MARCHF11: variants seen among roughly 807,000 people sequenced by gnomAD.
MARCHF11 encodes E3 ubiquitin-protein ligase MARCHF11.
A neutral mutation model predicts 37.3 loss-of-function variants in MARCHF11; 29 were observed. The ratio of observed to expected loss-of-function variants is 0.78; its 90% CI spans 0.58 to 1.06. MARCHF11 has a LOEUF of 1.06. Ranked by LOEUF, MARCHF11 falls within the 50% of genes least tolerant of loss-of-function variation. The probability of loss-of-function intolerance (pLI) is 0.00; values close to 1 mark genes in which losing one functional copy is unlikely to be tolerated. For missense variants in MARCHF11, 482 were observed against 533.4 expected (o/e 0.90, Z 0.95); for synonymous variants, 233 against 228.0 (o/e 1.02, Z -0.20).
At chr5:16,081,478 G>A (rs545734481) in intron 3 of MARCHF11, among the ~76,000 whole-genome samples, 11 of 152,246 alleles carry the variant, frequency 7.2e-5, no homozygotes, top group African/African-American at 2.2e-4. Context: ...ATTTAAAAAC[G>A]TAAAAGCCAT....
intron 3 of MARCHF11, among the ~76,000 whole-genome samples, chr5:16,088,169 T>C (rs1736730548): frequency 6.6e-6 from 1 of 152,102 alleles, no homozygotes; most frequent in African/African-American, 2.4e-5. Flanking sequence ...CCCCATGAAA[T>C]CGGCCTGAAA....
At chr5:16,173,907 C>T (rs1738313281) in intron 2 of MARCHF11, among the ~76,000 whole-genome samples, 1 of 152,138 alleles carries the variant, frequency 6.6e-6, no homozygotes, top group Admixed American at 6.5e-5. Context: ...GAAGATGAGT[C>T]AATGGAGATG....
intron 2 of MARCHF11, among the ~76,000 whole-genome samples, chr5:16,119,749 T>TAC (rs1176077237): frequency 6.6e-6 from 1 of 152,144 alleles, no homozygotes; most frequent in Non-Finnish European, 1.5e-5. Context: ...TTGCTGACAA[T>TAC]ACCATTTAAG....
intron 2 of MARCHF11, among the ~76,000 whole-genome samples, chr5:16,154,179 G>A (rs1737931184): frequency 6.6e-6 from 1 of 151,922 alleles, no homozygotes; most frequent in Non-Finnish European, 1.5e-5. Context: ...GTATTTTTGG[G>A]AGAGTGATGC....
chr5:16,107,745 TGAG>T (rs1737068370), intron 2 of MARCHF11, among the ~76,000 whole-genome samples: 1 of 151,664 alleles, frequency 6.6e-6, no homozygotes, highest in South Asian at 2.1e-4. Context: ...CAGGAGCAGA[TGAG>T]GAGATGAGGA....
At chr5:16,141,933 G>A (rs954293010) in intron 2 of MARCHF11, among the ~76,000 whole-genome samples, 4 of 152,144 alleles carry the variant, frequency 2.6e-5, no homozygotes, top group Non-Finnish European at 5.9e-5. Context: ...CTGCATTCGT[G>A]GGGGGATCTC....
At chr5:16,160,876 G>A (rs968036575) in intron 2 of MARCHF11, among the ~76,000 whole-genome samples, 2 of 151,918 alleles carry the variant, frequency 1.3e-5, no homozygotes, top group Non-Finnish European at 1.5e-5. Context: ...TGCACTCTGG[G>A]TCAAATTCCA....
At chr5:16,170,265 A>G (rs2126609616) in intron 2 of MARCHF11, among the ~76,000 whole-genome samples, 2 of 152,290 alleles carry the variant, frequency 1.3e-5, no homozygotes, top group Admixed American at 1.3e-4. Context: ...TCAAACAGTG[A>G]CAATCTCAAG....
chr5:16,092,926 A>G (rs541927420), intron 2 of MARCHF11, among the ~76,000 whole-genome samples: 1 of 152,320 alleles, frequency 6.6e-6, no homozygotes, highest in South Asian at 2.1e-4. Context: ...TGGTGTCACC[A>G]AACAGATATG....
chr5:16,178,933 C>G, intron 1 of MARCHF11, 106 bp downstream of exon 1: 1 of 1,292,986 alleles, frequency 7.7e-7, no homozygotes, highest in Non-Finnish European at 9.9e-7. Flanking sequence ...ACGAGCCTCA[C>G]TGGAGGCAAA....
chr5:16,177,843 A>C lies in MARCHF11; in HGVS notation c.576T>G (p.Val192=). ...GCAGGCACAGCTGATGTGTATACCG[A>C]ACTGACCCATCACATCGGCAGGGGT... The part of the protein sequence containing the change: ...LLNPCRCDGS[V]RYTHQLCLLK... The change falls in exon 2 of 4, where the codon GTT becomes GTG. Residue 192 remains valine, a synonymous_variant. Transcript: ENST00000332432. 1 of 1,612,884 alleles carries C rather than the reference A, an allele frequency of 6.2e-7. No individual in the cohort carries two copies. The highest frequency in any genetic ancestry group is 8.5e-7 in the Non-Finnish European group (1 of 1,179,408).
At chr5:16,085,589 G>A (rs1736680803) in intron 3 of MARCHF11, among the ~76,000 whole-genome samples, 1 of 127,758 alleles carries the variant, frequency 7.8e-6, no homozygotes, top group South Asian at 3.1e-4. Context: ...GGTGGGTGGG[G>A]TCGGGGGGGG....
At chr5:16,073,728 G>A (rs1157655801) in intron 3 of MARCHF11, among the ~76,000 whole-genome samples, 1 of 151,906 alleles carries the variant, frequency 6.6e-6, no homozygotes. Context: ...ACAAAACATA[G>A]CTGTCATAAA....
intron 2 of MARCHF11, among the ~76,000 whole-genome samples, chr5:16,121,722 A>C (rs1189281741): frequency 6.6e-6 from 1 of 152,198 alleles, no homozygotes; most frequent in African/African-American, 2.4e-5. Flanking sequence ...GCAATGGCCC[A>C]GTGAACAGTC....
chr5:16,179,162 C>A lies in MARCHF11; in HGVS notation c.414G>T (p.Gln138His). 2 of 1,433,678 alleles carry A rather than the reference C, an allele frequency of 1.4e-6. No homozygotes were observed. Among genetic ancestry groups the A allele is most frequent in the Non-Finnish European group, 1.8e-6 (2 of 1,099,806 alleles). The allele number at this position is 1,433,678 out of a possible 1,614,324, so 88.8% of individuals were successfully genotyped here. The change falls in exon 1 of 4, where the codon CAG (glutamine) becomes CAT (histidine). Residue 138 changes from glutamine (Q) to histidine (H), a missense_variant. Transcript: ENST00000332432. ...TGCTGCACACCGAGCGCGTCTCGGG[C>A]TGGTCTCCGGCGCCCCGCCGCTCGC... Reference protein sequence around the residue: ...GERERRGAGDQPETRSVCSSR... With the variant: ...GERERRGAGDHPETRSVCSSR...
At chr5:16,095,718 T>C (rs1438572728) in intron 2 of MARCHF11, among the ~76,000 whole-genome samples, 2 of 152,170 alleles carry the variant, frequency 1.3e-5, no homozygotes, top group Non-Finnish European at 2.9e-5. Flanking sequence ...AACAGGATTC[T>C]TCGATCTGGG....
chr5:16,082,570 C>T (rs143984413), intron 3 of MARCHF11, among the ~76,000 whole-genome samples: 6 of 152,174 alleles, frequency 3.9e-5, no homozygotes, highest in East Asian at 1.9e-4. Context: ...GTGCAAAGGT[C>T]GCCTTAGTAG....
intron 3 of MARCHF11, among the ~76,000 whole-genome samples, chr5:16,072,028 C>T (rs185178200): frequency 2.6e-5 from 4 of 152,108 alleles, no homozygotes; most frequent in South Asian, 4.2e-4. Context: ...GACGTGATCT[C>T]GGCTCACTGC....
At chr5:16,081,256 C>G (rs1736603236) in intron 3 of MARCHF11, among the ~76,000 whole-genome samples, 2 of 152,142 alleles carry the variant, frequency 1.3e-5, no homozygotes, top group African/African-American at 4.8e-5. Context: ...TGTTATATTC[C>G]AGGGCTCCAC....
Sources: gnomAD v4.1 joint callset for allele counts (sites outside exome capture counted in the v4.1 genomes callset) on GRCh38, gnomAD v4.1.1 for gene constraint, MANE v1.5 for transcripts, NCBI Gene and HGNC (gene_info 2026-07-23, HGNC 2026-07-21) for gene names.